Variants in CACNA1C observed in about 807,000 individuals in gnomAD.
The protein encoded by CACNA1C is voltage-dependent L-type calcium channel subunit alpha-1C.
Under a neutral mutation model 229.0 loss-of-function variants are expected in CACNA1C, and 30 were observed. That is an observed-to-expected ratio of 0.13 (90% confidence interval 0.10 to 0.18). The LOEUF (loss-of-function observed/expected upper bound fraction) is 0.18, where lower values mean the gene tolerates loss of function less well. CACNA1C is among the 10% of genes least tolerant of loss of function. The pLI, the probability that CACNA1C is intolerant of heterozygous loss-of-function variation, is 1.00. For missense variants in CACNA1C, 1,658 were observed against 2,845.0 expected (o/e 0.58, Z 9.49); for synonymous variants, 1,114 against 1,132.5 (o/e 0.98, Z 0.33).
chr12:2,031,982 TGTGA>T (rs2048300171), intron 1 of CACNA1C, among the ~76,000 whole-genome samples: 1 of 117,192 alleles, frequency 8.5e-6, no homozygotes, highest in Non-Finnish European at 1.7e-5. Flanking sequence ...TGAGTGTGTG[TGTGA>T]GTGTGTTTGT....
intron 29 of CACNA1C, among the ~76,000 whole-genome samples, chr12:2,617,079 T>G (rs1475703303): frequency 5.3e-5 from 8 of 152,252 alleles, no homozygotes; most frequent in Non-Finnish European, 1.0e-4. Context: ...ATGAAGGCAG[T>G]GAAGCCTTGG....
intron 9 of CACNA1C, chr12:2,547,465 G>A: frequency 1.3e-6 from 1 of 779,740 alleles, no homozygotes; most frequent in Non-Finnish European, 2.4e-6. Flanking sequence ...ACTCCGGCGG[G>A]CATGCTTGAT....
chr12:2,281,652 CT>C (rs2091313013), intron 3 of CACNA1C, among the ~76,000 whole-genome samples: 1 of 152,194 alleles, frequency 6.6e-6, no homozygotes, highest in Non-Finnish European at 1.5e-5. Context: ...TGCTGTCCCT[CT>C]TGTCTGTTCC....
At chr12:2,356,396 C>G (rs1270042808) in intron 3 of CACNA1C, among the ~76,000 whole-genome samples, 2 of 152,224 alleles carry the variant, frequency 1.3e-5, no homozygotes, top group African/African-American at 2.4e-5. Flanking sequence ...TGTCCAGAGT[C>G]TATACTGAGA....
At chr12:2,458,425 C>A (rs552439270) in intron 5 of CACNA1C, among the ~76,000 whole-genome samples, 1 of 152,232 alleles carries the variant, frequency 6.6e-6, no homozygotes, top group South Asian at 2.1e-4. Flanking sequence ...TTCAGGCCCC[C>A]TGGGAAGGCG....
chr12:2,189,092 CAAAAAAAAAAAA>C (rs57559183), intron 3 of CACNA1C, among the ~76,000 whole-genome samples: 3 of 34,400 alleles, frequency 8.7e-5, no homozygotes, highest in Admixed American at 3.5e-4. Flanking sequence ...GACTCCGTCT[CAAAAAAAAAAAA>C]AAAAAAAAAA....
chr12:2,448,731 T>C (rs1236271896), intron 3 of CACNA1C, among the ~76,000 whole-genome samples: 1 of 150,356 alleles, frequency 6.7e-6, no homozygotes, highest in Non-Finnish European at 1.5e-5. Context: ...ACTAGTCTAA[T>C]ATTTACATGT....
intron 3 of CACNA1C, chr12:2,222,225 G>C (rs1451842207): frequency 6.6e-6 from 1 of 152,218 alleles, no homozygotes; most frequent in African/African-American, 2.4e-5. Flanking sequence ...ACTGAAAAGT[G>C]AATAAATCAG....
chr12:2,093,288 G>A (rs1402988685), intron 1 of CACNA1C, among the ~76,000 whole-genome samples: 2 of 152,128 alleles, frequency 1.3e-5, no homozygotes, highest in African/African-American at 2.4e-5. Flanking sequence ...TTACACAGCC[G>A]TGCCTCCCAC....
At chr12:2,686,100 G>A (rs1276605165) in intron 44 of CACNA1C, 66 bp from the exon 45 acceptor site, 11 of 1,287,718 alleles carry the variant, frequency 8.5e-6, no homozygotes, top group Admixed American at 3.4e-5. Context: ...CCACCAGGGT[G>A]TAAACTGTCA....
At chr12:2,163,739 C>A (rs1399825969) in intron 3 of CACNA1C, among the ~76,000 whole-genome samples, 3 of 152,128 alleles carry the variant, frequency 2.0e-5, no homozygotes, top group Admixed American at 2.0e-4. Flanking sequence ...GCGGCTCTGG[C>A]GGCTGCATGT....
intron 3 of CACNA1C, among the ~76,000 whole-genome samples, chr12:2,340,503 G>A (rs1376117692): frequency 6.6e-6 from 1 of 152,214 alleles, no homozygotes; most frequent in African/African-American, 2.4e-5. Context: ...CAACCCAAGT[G>A]CCACCTGTAC....
chr12:2,277,372 C>G (rs1304013240), intron 3 of CACNA1C, among the ~76,000 whole-genome samples: 493 of 47,336 alleles, frequency 0.01, 4 homozygotes, highest in African/African-American at 0.03. Context: ...GACACACACA[C>G]ACACACACAC....
At chr12:2,468,765 G>A (rs1347249750) in intron 5 of CACNA1C, among the ~76,000 whole-genome samples, 1 of 152,264 alleles carries the variant, frequency 6.6e-6, no homozygotes, top group African/African-American at 2.4e-5. Flanking sequence ...GAGGCACTCC[G>A]GCCTGCCGGT....
At chr12:2,022,612 T>A (rs2154488371) in intron 1 of CACNA1C, among the ~76,000 whole-genome samples, 1 of 151,602 alleles carries the variant, frequency 6.6e-6, no homozygotes, top group East Asian at 1.9e-4. Flanking sequence ...CCCAGCTAAT[T>A]TTTGTATTTT....
chr12:2,462,050 T>C (rs1444735377), intron 5 of CACNA1C, among the ~76,000 whole-genome samples: 2 of 152,004 alleles, frequency 1.3e-5, no homozygotes, highest in Non-Finnish European at 1.5e-5. Context: ...ATCTCACGCC[T>C]CCTTCCTCCC....
At chr12:2,189,759 A>T (rs1356054365) in intron 3 of CACNA1C, among the ~76,000 whole-genome samples, 1 of 152,222 alleles carries the variant, frequency 6.6e-6, no homozygotes, top group Non-Finnish European at 1.5e-5. Flanking sequence ...CCCCATTAAA[A>T]TAACGTGCTC....
chr12:2,229,365 A>G (rs2064004656), intron 3 of CACNA1C, among the ~76,000 whole-genome samples: 1 of 152,196 alleles, frequency 6.6e-6, no homozygotes. Context: ...GAATATATAC[A>G]TATGCGTTTG....
chr12:2,203,371 T>A (rs1246438014), intron 3 of CACNA1C, among the ~76,000 whole-genome samples: 1 of 152,182 alleles, frequency 6.6e-6, no homozygotes, highest in Admixed American at 6.5e-5. Context: ...TTAGGGGCTG[T>A]CTCACCCACT....
Sources: gnomAD v4.1 joint callset for allele counts (sites outside exome capture counted in the v4.1 genomes callset) on GRCh38, gnomAD v4.1.1 for gene constraint, MANE v1.5 for transcripts, NCBI Gene and HGNC (gene_info 2026-07-23, HGNC 2026-07-21) for gene names.